JADE1: variants seen among roughly 807,000 people sequenced by gnomAD.
JADE1 encodes protein Jade-1.
JADE1 carries 14 observed loss-of-function variants against 81.8 expected under a neutral mutation model. That is an observed-to-expected ratio of 0.17 (90% CI 0.11 to 0.27). JADE1 has a LOEUF of 0.27. Ranked by LOEUF, JADE1 falls within the 10% of genes least tolerant of loss-of-function variation. The probability of loss-of-function intolerance (pLI) is 1.00; values close to 1 mark genes in which losing one functional copy is unlikely to be tolerated. For synonymous variants in JADE1, 353 were observed against 391.9 expected, an observed-to-expected ratio of 0.90 and a Z score of 1.17; for missense variants, 690 against 1,047.9, an observed-to-expected ratio of 0.66 and a Z score of 4.71.
chr4:128,863,050 A>G (rs775770452), intron 9 of JADE1: 44 of 985,246 alleles, frequency 4.5e-5, no homozygotes, highest in Non-Finnish European at 4.7e-5. Flanking sequence ...GTTGTTTGTC[A>G]CACTGAGATT....
chr4:128,859,776 A>G (rs1731170217), intron 8 of JADE1, among the ~76,000 whole-genome samples: 1 of 152,198 alleles, frequency 6.6e-6, no homozygotes, highest in South Asian at 2.1e-4. Context: ...TTGAAGAGAG[A>G]TGATATAATG....
chr4:128,848,289 C>T (rs531990484), intron 4 of JADE1, among the ~76,000 whole-genome samples: 3 of 152,308 alleles, frequency 2.0e-5, no homozygotes, highest in South Asian at 2.1e-4. Flanking sequence ...AGCAATTCTC[C>T]TGCCCCAGCC....
At chr4:128,835,748 C>A (rs181661982) in intron 2 of JADE1, among the ~76,000 whole-genome samples, 1 of 152,206 alleles carries the variant, frequency 6.6e-6, no homozygotes, top group Non-Finnish European at 1.5e-5. Context: ...CAGCTGCAGA[C>A]GTCAGCATGG....
chr4:128,856,058 G>C (rs1730767733), intron 7 of JADE1, among the ~76,000 whole-genome samples: 1 of 152,084 alleles, frequency 6.6e-6, no homozygotes, highest in Admixed American at 6.5e-5. Flanking sequence ...GGATCAAGCA[G>C]TCCTCTTTCC....
chr4:128,857,969 C>T (rs1270802657), intron 8 of JADE1, among the ~76,000 whole-genome samples: 1 of 152,158 alleles, frequency 6.6e-6, no homozygotes, highest in Non-Finnish European at 1.5e-5. Context: ...GTTGGAAAAA[C>T]AGAGACTCTT....
chr4:128,835,227 G>T (rs887203370), intron 2 of JADE1, among the ~76,000 whole-genome samples: 2 of 152,192 alleles, frequency 1.3e-5, no homozygotes, highest in Admixed American at 1.3e-4. Context: ...CTGTCCTTTT[G>T]TCATACAGCT....
intron 6 of JADE1, among the ~76,000 whole-genome samples, chr4:128,854,560 G>A (rs571204403): frequency 1.3e-5 from 2 of 152,254 alleles, no homozygotes; most frequent in East Asian, 1.9e-4. Flanking sequence ...CATCTGAAGT[G>A]TGACTTTTCT....
At chr4:128,828,207 G>C (rs1353414651) in intron 1 of JADE1, among the ~76,000 whole-genome samples, 1 of 152,090 alleles carries the variant, frequency 6.6e-6, no homozygotes, top group African/African-American at 2.4e-5. Context: ...ATATCTTCTT[G>C]CTACTTTGGG....
chr4:128,833,157 C>G (rs1579141648), intron 2 of JADE1, among the ~76,000 whole-genome samples: 2 of 152,174 alleles, frequency 1.3e-5, no homozygotes, highest in African/African-American at 4.8e-5. Context: ...TTTCCAAGTG[C>G]AGGCAGGTAA....
rs115875547 is a variant in JADE1 at position 128,833,775 on chromosome 4, T to C, written c.52+1965T>C. On this transcript the variant is annotated intron_variant, in intron 2 of 10. Coordinates refer to ENST00000226319, the MANE Select transcript of JADE1 (RefSeq NM_199320.4). ...ACCTCCATATAAAGATAATGCCCAA[T>C]AAAAGCTTAAGAGCCCTATTTAAAT... Among the ~76,000 whole-genome samples the C allele has an allele frequency of 9.9e-3, 1,504 of 152,326 alleles. 27 individuals carry two copies. The highest frequency in any genetic ancestry group is 0.035 in the African/African-American group (1,448 of 41,570).
At chr4:128,859,104 T>A (rs191261143) in intron 8 of JADE1, among the ~76,000 whole-genome samples, 1 of 151,454 alleles carries the variant, frequency 6.6e-6, no homozygotes, top group Non-Finnish European at 1.5e-5. Context: ...CTGGCCCGAG[T>A]TGGATTGGGG....
At chr4:128,863,013 C>T in intron 9 of JADE1, 1 of 985,452 alleles carries the variant, frequency 1.0e-6, no homozygotes, top group Non-Finnish European at 1.2e-6. Flanking sequence ...TGAGGAGCCC[C>T]AGTCATGCTC....
At chr4:128,857,210 G>A in intron 7 of JADE1, 128 bp from the exon 8 acceptor site, 2 of 737,190 alleles carry the variant, frequency 2.7e-6, no homozygotes, top group Non-Finnish European at 4.8e-6. Flanking sequence ...GGTTTGCTTT[G>A]AGTGGGTGCC....
chr4:128,819,257 C>A (rs1256527475), intron 1 of JADE1, among the ~76,000 whole-genome samples: 2 of 130,796 alleles, frequency 1.5e-5, no homozygotes, highest in East Asian at 4.5e-4. Flanking sequence ...TCTTTTTGCC[C>A]AGGCTGGAGT....
At position 128,871,758 on chromosome 4, in the gene JADE1, C is replaced by G; in HGVS notation, c.2025C>G (p.Asp675Glu). The G allele has an allele frequency of 3.7e-6, 6 of 1,614,110 alleles. No homozygotes were observed. Among genetic ancestry groups the G allele is most frequent in the Non-Finnish European group, 5.1e-6 (6 of 1,180,012 alleles). The stretch of plus-strand genomic sequence containing the variant: ...ATCTCATTAAAGGAGACTTAAAGGA[C>G]AAATCTTTTAAACAGAGTCACAAGC... ...HCDLIKGDLK[D>E]KSFKQSHKPL... Residue 675 changes from aspartate (D) to glutamate (E), a missense_variant, in exon 11 of 11, where the codon GAC becomes GAG. Around this residue, in one of 8 missense-constraint regions of JADE1, gnomAD observed 218 missense variants for 274.3 expected, o/e 0.79. Coordinates refer to ENST00000226319, the MANE Select transcript of JADE1 (RefSeq NM_199320.4). The surrounding 1 kb of genome is among the most constrained non-coding windows in gnomAD (Gnocchi z 4.1).
chr4:128,814,464 C>A (rs1726802600), intron 1 of JADE1, among the ~76,000 whole-genome samples: 1 of 151,990 alleles, frequency 6.6e-6, no homozygotes, highest in African/African-American at 2.4e-5. Flanking sequence ...TGCTACCATC[C>A]ATAGATGACT....
At chr4:128,855,850 A>G (rs1048761527) in intron 7 of JADE1, 53 bp downstream of exon 7, 19 of 1,493,562 alleles carry the variant, frequency 1.3e-5, no homozygotes, top group Non-Finnish European at 1.7e-5. Flanking sequence ...ACAGAGTTTA[A>G]CTCTGTCGCC....
At chr4:128,813,835 G>A (rs1251855531) in intron 1 of JADE1, among the ~76,000 whole-genome samples, 2 of 151,942 alleles carry the variant, frequency 1.3e-5, no homozygotes, top group East Asian at 3.9e-4. Flanking sequence ...TTAATGTGTA[G>A]AATAAATATA....
intron 9 of JADE1, chr4:128,864,625 A>C: frequency 2.0e-6 from 2 of 984,680 alleles, no homozygotes; most frequent in African/African-American, 1.7e-5. Context: ...ACCAATCATT[A>C]CTACCAACTT....
Sources: gnomAD v4.1 joint callset for allele counts (sites outside exome capture counted in the v4.1 genomes callset) on GRCh38, gnomAD v4.1.1 for gene constraint, gnomAD v4.1.1 regional missense constraint, Gnocchi (gnomAD v3.1) non-coding constraint, MANE v1.5 for transcripts, NCBI Gene and HGNC (gene_info 2026-07-23, HGNC 2026-07-21) for gene names.